PLD1: variants seen among roughly 807,000 people sequenced by gnomAD.
The protein encoded by PLD1 is choline phosphatase 1.
A neutral mutation model predicts 137.1 loss-of-function variants in PLD1; 112 were observed. The ratio of observed to expected loss-of-function variants is 0.82; its 90% CI spans 0.70 to 0.96. The LOEUF is 0.96. PLD1 is among the 40% of genes least tolerant of loss of function. PLD1 has a pLI of 0.00. For missense variants in PLD1, 1,321 were observed against 1,342.0 expected (o/e 0.98, Z 0.24); for synonymous variants, 431 against 454.7 (o/e 0.95, Z 0.66).
chr3:171,719,925 T>A (rs1298576979), intron 8 of PLD1, among the ~76,000 whole-genome samples: 4 of 152,184 alleles, frequency 2.6e-5, no homozygotes, highest in Non-Finnish European at 5.9e-5. Flanking sequence ...TCAGAATGTA[T>A]TTTTATGGGT....
intron 1 of PLD1, chr3:171,790,054 G>A (rs565543620): frequency 6.6e-6 from 1 of 152,228 alleles, no homozygotes; most frequent in Non-Finnish European, 1.5e-5. Context: ...CTAATCTACT[G>A]CTGCTGTGAA....
At chr3:171,687,138 T>A (rs1357883236) in intron 15 of PLD1, among the ~76,000 whole-genome samples, 1 of 152,224 alleles carries the variant, frequency 6.6e-6, no homozygotes, top group African/African-American at 2.4e-5. Flanking sequence ...CCATTAGAAG[T>A]GGTAATCGTG....
At chr3:171,700,776 C>T (rs1716176793) in intron 11 of PLD1, among the ~76,000 whole-genome samples, 1 of 152,180 alleles carries the variant, frequency 6.6e-6, no homozygotes, top group Non-Finnish European at 1.5e-5. Flanking sequence ...TCTTCTCCTT[C>T]AGTAAGGCAT....
At chr3:171,807,022 T>C (rs1466254754) in intron 1 of PLD1, among the ~76,000 whole-genome samples, 2 of 152,316 alleles carry the variant, frequency 1.3e-5, no homozygotes, top group Non-Finnish European at 2.9e-5. Context: ...AAAGTGCATT[T>C]CTCAGCTGGG....
At chr3:171,752,838 A>G (rs1720755294) in intron 1 of PLD1, among the ~76,000 whole-genome samples, 1 of 152,220 alleles carries the variant, frequency 6.6e-6, no homozygotes, top group Non-Finnish European at 1.5e-5. Flanking sequence ...GACACTGAGT[A>G]AGAACTGAGC....
intron 21 of PLD1, among the ~76,000 whole-genome samples, chr3:171,646,658 T>G (rs1211101425): frequency 7.4e-5 from 9 of 121,896 alleles, no homozygotes; most frequent in Non-Finnish European, 1.3e-4. Flanking sequence ...GTGAGCAGGA[T>G]AGCGAAAAAG....
At chr3:171,755,624 GT>G in intron 1 of PLD1, among the ~76,000 whole-genome samples, 1 of 152,094 alleles carries the variant, frequency 6.6e-6, no homozygotes, top group African/African-American at 2.4e-5. Flanking sequence ...CACTCTAATG[GT>G]TAAAATACAT....
At chr3:171,718,889 G>A (rs932958560) in intron 8 of PLD1, among the ~76,000 whole-genome samples, 1 of 152,146 alleles carries the variant, frequency 6.6e-6, no homozygotes. Flanking sequence ...CCCAATACAT[G>A]CGAACTATTA....
intron 1 of PLD1, among the ~76,000 whole-genome samples, chr3:171,748,610 C>T (rs1720433361): frequency 6.6e-6 from 1 of 152,026 alleles, no homozygotes; most frequent in South Asian, 2.1e-4. Flanking sequence ...TGAATTCTGT[C>T]ACAACTGCTA....
chr3:171,769,070 C>G (rs1381998682), intron 1 of PLD1, among the ~76,000 whole-genome samples: 1 of 152,166 alleles, frequency 6.6e-6, no homozygotes, highest in South Asian at 2.1e-4. Context: ...CTCTACTGTA[C>G]AGTCCTTTTT....
chr3:171,711,585 T>C (rs1316787972), intron 9 of PLD1, among the ~76,000 whole-genome samples: 1 of 152,094 alleles, frequency 6.6e-6, no homozygotes, highest in East Asian at 1.9e-4. Flanking sequence ...GAGTATCCTT[T>C]CAGGCATTCC....
chr3:171,755,443 C>G (rs1720955361), intron 1 of PLD1, among the ~76,000 whole-genome samples: 1 of 152,144 alleles, frequency 6.6e-6, no homozygotes, highest in African/African-American at 2.4e-5. Context: ...TCTTGAGGGT[C>G]TCTTTCCTCA....
intron 19 of PLD1, among the ~76,000 whole-genome samples, chr3:171,663,988 C>A (rs963724616): frequency 4.6e-5 from 7 of 152,106 alleles, no homozygotes; most frequent in African/African-American, 1.7e-4. Flanking sequence ...AAAACTCACA[C>A]TTACTAAAAA....
Position 171,785,475 on chromosome 3 carries a change from G to A in PLD1, c.-32+24924C>T, listed in dbSNP as rs559111673. On this transcript the variant is annotated intron_variant, in intron 1 of 26. Coordinates refer to ENST00000351298, the MANE Select transcript of PLD1 (RefSeq NM_002662.5). ...TTTTTTTTAGATGGAGTCTTGCTCCGATGCCCAGGCTGGAGTGCACTGGCA... is the reference window on the plus strand; with the variant it reads ...TTTTTTTTAGATGGAGTCTTGCTCCAATGCCCAGGCTGGAGTGCACTGGCA... 2.7e-4 allele frequency among the ~76,000 whole-genome samples: 40 copies of A among 146,644 alleles called. No homozygotes were observed. In the East Asian group the frequency reaches 6.4e-3, roughly 23 times the overall value.
chr3:171,738,487 C>G (rs1440438826), intron 1 of PLD1, among the ~76,000 whole-genome samples: 1 of 152,088 alleles, frequency 6.6e-6, no homozygotes, highest in Non-Finnish European at 1.5e-5. Context: ...ATAAGCAACT[C>G]TAAATATTTC....
At chr3:171,709,457 C>T in intron 10 of PLD1, 103 bp downstream of exon 10, 2 of 892,670 alleles carry the variant, frequency 2.2e-6, no homozygotes, top group Non-Finnish European at 3.5e-6. Context: ...AAGTATAATG[C>T]ATAATCTTTC....
intron 21 of PLD1, among the ~76,000 whole-genome samples, chr3:171,658,860 G>A (rs956080246): frequency 3.3e-5 from 5 of 151,854 alleles, no homozygotes; most frequent in Non-Finnish European, 7.4e-5. Context: ...TATGACATAC[G>A]GTAACAAGAA....
chr3:171,618,249 T>G (rs940495275), intron 24 of PLD1, among the ~76,000 whole-genome samples: 4 of 152,152 alleles, frequency 2.6e-5, no homozygotes, highest in African/African-American at 9.7e-5. Flanking sequence ...CAAAATAAAT[T>G]GGAGTCTTTG....
At chr3:171,687,286 C>T in intron 15 of PLD1, 85 bp downstream of exon 15, 1 of 1,116,304 alleles carries the variant, frequency 9.0e-7, no homozygotes, top group Admixed American at 1.8e-5. Context: ...TACAGAAAGA[C>T]AGATTTTAAA....
Sources: allele counts gnomAD v4.1 joint callset (sites outside exome capture counted in the v4.1 genomes callset), GRCh38; gene constraint gnomAD v4.1.1; transcripts MANE v1.5; gene names NCBI Gene and HGNC (gene_info 2026-07-23, HGNC 2026-07-21).